The following TMEM165 variants were observed in gnomAD, a reference collection of about 807,000 sequenced individuals.
TMEM165 encodes the protein transmembrane protein 165.
TMEM165 carries 19 observed loss-of-function variants against 30.0 expected under a neutral mutation model. The observed-to-expected ratio is 0.63, with a 90% CI of 0.44 to 0.93. The LOEUF (loss-of-function observed/expected upper bound fraction) is 0.93. Among genes scored for constraint, TMEM165 ranks in the 40% least tolerant of loss-of-function variants. The pLI is 0.00. For missense variants in TMEM165, 340 were observed against 417.0 expected, an observed-to-expected ratio of 0.82 and a Z score of 1.61; for synonymous variants, 168 against 162.9, an observed-to-expected ratio of 1.03 and a Z score of -0.24.
At chr4:55,397,949 C>A (rs1720800851) in intron 1 of TMEM165, among the ~76,000 whole-genome samples, 1 of 151,732 alleles carries the variant, frequency 6.6e-6, no homozygotes, top group Admixed American at 6.6e-5. Flanking sequence ...CACTATGTTG[C>A]CGAGTCTAGT....
intron 2 of TMEM165, 159 bp from the exon 3 acceptor site, chr4:55,416,913 A>T: frequency 1.7e-6 from 1 of 576,816 alleles, no homozygotes; most frequent in South Asian, 2.7e-5. Flanking sequence ...ATTGGTGGAG[A>T]GAAAGATCTG....
chr4:55,428,329 T>C (rs1316781202), downstream of TMEM165: 1 of 152,192 alleles, frequency 6.6e-6, no homozygotes, highest in Non-Finnish European at 1.5e-5. Context: ...TTACACCAAA[T>C]TAAAATGGCA....
intron 3 of TMEM165, chr4:55,444,758 T>C (rs1723656632): frequency 6.2e-7 from 1 of 1,614,094 alleles, no homozygotes; most frequent in Non-Finnish European, 8.5e-7. Context: ...AGATGTTGCA[T>C]GGCTCCTAAT....
chr4:55,448,949 T>C, intron 3 of TMEM165: 1 of 1,086,318 alleles, frequency 9.2e-7, no homozygotes, highest in South Asian at 1.3e-5. Flanking sequence ...CAATATGATA[T>C]TCGTATTAAT....
At chr4:55,406,469 A>G (rs1306913658) in intron 1 of TMEM165, among the ~76,000 whole-genome samples, 5 of 152,136 alleles carry the variant, frequency 3.3e-5, no homozygotes, top group Admixed American at 6.5e-5. Flanking sequence ...CGTGGTGTGT[A>G]TTTATGATAC....
intron 3 of TMEM165, chr4:55,442,711 C>CTAACAATA (rs1723471235): frequency 6.5e-6 from 8 of 1,239,956 alleles, no homozygotes; most frequent in Middle Eastern, 4.2e-4. Flanking sequence ...ATTCATCATT[C>CTAACAATA]TAACAATATG....
chr4:55,450,317 A>T lies in TMEM165; in HGVS notation c.409-1922A>T. 3.2e-6 allele frequency: 5 copies of T among 1,555,172 alleles called. No homozygotes were observed. The South Asian group carries it at 5.6e-5, about 17-fold the overall frequency. Reference sequence around the variant, plus strand: ...ACAATACTGTTAACAACAACAAAAAAATCAGTTTTTGTCTATAACAAGGCA... The same window carrying T: ...ACAATACTGTTAACAACAACAAAAATATCAGTTTTTGTCTATAACAAGGCA... On this transcript the variant is annotated intron_variant, in intron 3 of 3. Coordinates refer to the TMEM165 transcript ENST00000608091.
At chr4:55,420,450 C>T (rs1452455540) in intron 4 of TMEM165, among the ~76,000 whole-genome samples, 1 of 151,736 alleles carries the variant, frequency 6.6e-6, no homozygotes, top group African/African-American at 2.4e-5. Flanking sequence ...GCTGTAAAAT[C>T]ACATTACTGC....
intron 4 of TMEM165, among the ~76,000 whole-genome samples, chr4:55,420,688 T>C (rs968835673): frequency 3.3e-5 from 5 of 152,172 alleles, no homozygotes; most frequent in African/African-American, 1.2e-4. Context: ...GTTGGTAATT[T>C]TTCTTATGAA....
chr4:55,447,542 C>T (rs1160956696), intron 3 of TMEM165, among the ~76,000 whole-genome samples: 1 of 152,092 alleles, frequency 6.6e-6, no homozygotes, highest in East Asian at 1.9e-4. Flanking sequence ...AGTAAAACCA[C>T]AGACCTAAGA....
At chr4:55,442,865 T>G (rs1723487376) in intron 3 of TMEM165, among the ~76,000 whole-genome samples, 1 of 152,090 alleles carries the variant, frequency 6.6e-6, no homozygotes, top group South Asian at 2.1e-4. Flanking sequence ...GGAGTGTGAT[T>G]GTAATAGAGA....
In TMEM165 at chr4:55,403,357, A is replaced by G. The variant is rs944812303; in HGVS notation, c.207+6961A>G. On this transcript the variant is annotated intron_variant, in intron 1 of 5. Coordinates refer to ENST00000381334, the MANE Select transcript of TMEM165 (RefSeq NM_018475.5). ...GATGCAGGTATCTGTATCAATTTCA[A>G]TACAGTCACATTTGTGTTTATTTGA... is the stretch of plus-strand genomic sequence containing the variant. The G allele has an allele frequency of 6.8e-6, 8 of 1,176,534 alleles. No individual in the cohort carries two copies. In the Admixed American group the frequency reaches 7.8e-5, roughly 12 times the overall value. The allele number at this position is 1,176,534 out of a possible 1,614,324, so 72.9% of individuals were successfully genotyped here. A position where few individuals can be genotyped will look rare whatever the true frequency, so the allele number is the denominator to read the frequency against.
At chr4:55,434,523 T>G (rs1254109255) in intron 3 of TMEM165, 2 of 152,454 alleles carry the variant, frequency 1.3e-5, no homozygotes, top group African/African-American at 2.4e-5. Flanking sequence ...TCAAACATAA[T>G]TGAAAAATAA....
chr4:55,408,807 G>T (rs936946812), intron 1 of TMEM165, among the ~76,000 whole-genome samples: 1 of 151,936 alleles, frequency 6.6e-6, no homozygotes, highest in Non-Finnish European at 1.5e-5. Context: ...CATAAATGGT[G>T]TATATTTATT....
chr4:55,425,648 C>T lies in TMEM165; in HGVS notation c.*196C>T, dbSNP rs1471587053. The stretch of plus-strand genomic sequence containing the variant: ...AGGAGTTTTAAAAGAAACCTGACTT[C>T]TAAGTGTGGGTTTTTCTTCTCTCCA... On this transcript the variant is annotated 3_prime_UTR_variant, in exon 6 of 6. Coordinates refer to ENST00000381334, the MANE Select transcript of TMEM165 (RefSeq NM_018475.5). The T allele has an allele frequency of 2.0e-6, 1 of 499,624 alleles. No homozygotes were observed. The highest frequency in any genetic ancestry group is 2.8e-5 in the South Asian group (1 of 35,316). The allele number at this position is 499,624 out of a possible 1,614,324, so 30.9% of individuals were successfully genotyped here. A position where few individuals can be genotyped will look rare whatever the true frequency, so the allele number is the denominator to read the frequency against.
At position 55,449,942 on chromosome 4, in the gene TMEM165, C is replaced by T. The variant is rs571236494; in HGVS notation, c.409-2297C>T. On this transcript the variant is annotated intron_variant, in intron 3 of 3. Coordinates refer to the TMEM165 transcript ENST00000608091. ...ATTCTTTGCTGAAAGTGGGCAATGTCCCTTTAACTCACTGGAAAGGTTACT... is the reference window on the plus strand; with the variant it reads ...ATTCTTTGCTGAAAGTGGGCAATGTTCCTTTAACTCACTGGAAAGGTTACT... 1.7e-5 allele frequency: 16 copies of T among 935,180 alleles called. No individual in the cohort carries two copies. The East Asian group carries it at 2.6e-4, about 15-fold the overall frequency. The allele number at this position is 935,180 out of a possible 1,614,324, so 57.9% of individuals were successfully genotyped here. A position where few individuals can be genotyped will look rare whatever the true frequency, so the allele number is the denominator to read the frequency against.
chr4:55,437,013 C>T (rs1231101084), intron 3 of TMEM165, among the ~76,000 whole-genome samples: 1 of 149,318 alleles, frequency 6.7e-6, no homozygotes, highest in Non-Finnish European at 1.5e-5. Context: ...GCTTAATTCT[C>T]ATTGGATACA....
At chr4:55,442,320 A>T (rs1723434337) in intron 3 of TMEM165, 4 of 853,158 alleles carry the variant, frequency 4.7e-6, no homozygotes, top group Admixed American at 4.0e-5. Flanking sequence ...CATTGGCTGC[A>T]GTGAGCATCT....
chr4:55,441,730 G>A (rs986006271), intron 3 of TMEM165, among the ~76,000 whole-genome samples: 1 of 152,148 alleles, frequency 6.6e-6, no homozygotes, highest in Non-Finnish European at 1.5e-5. Flanking sequence ...GGAGGAGGAT[G>A]GTGGGGGTGA....
Sources: allele counts gnomAD v4.1 joint callset (sites outside exome capture counted in the v4.1 genomes callset), GRCh38; gene constraint gnomAD v4.1.1; transcripts MANE v1.5; gene names NCBI Gene and HGNC (gene_info 2026-07-23, HGNC 2026-07-21).